MID1: variants seen among roughly 807,000 people sequenced by gnomAD.
MID1 encodes midline 1, also known as E3 ubiquitin-protein ligase Midline-1.
In MID1, 7 loss-of-function variants were observed where a neutral mutation model predicts 40.4. The observed-to-expected ratio is 0.17, with a 90% confidence interval of 0.10 to 0.33. The LOEUF (loss-of-function observed/expected upper bound fraction) is 0.33. MID1 is among the 10% of genes least tolerant of loss of function. The pLI is 1.00. For synonymous variants in MID1, 229 were observed against 221.2 expected (o/e 1.04, Z -0.31); for missense variants, 367 against 558.5 (o/e 0.66, Z 3.46).
At chrX:10,618,940 T>C in intron 1 of MID1, among the ~76,000 whole-genome samples, 1 of 112,160 alleles carries the variant, frequency 8.9e-6, no homozygotes, top group Non-Finnish European at 1.9e-5. Flanking sequence ...CTTTTCCTCA[T>C]CCCACTTTAG....
intron 1 of MID1, among the ~76,000 whole-genome samples, chrX:10,736,135 C>A (rs1221864503): frequency 8.9e-6 from 1 of 111,785 alleles, no homozygotes; most frequent in East Asian, 2.8e-4. Flanking sequence ...CCTGCCACCA[C>A]GCCCGGCTAA....
At chrX:10,543,355 T>C (rs1933548631) in intron 2 of MID1, among the ~76,000 whole-genome samples, 1 of 112,058 alleles carries the variant, frequency 8.9e-6, no homozygotes, top group South Asian at 3.8e-4. Context: ...GTAGAAATAA[T>C]AGTAGGAGTC....
At chrX:10,686,916 C>G (rs1417404620) in intron 1 of MID1, among the ~76,000 whole-genome samples, 5 of 111,701 alleles carry the variant, frequency 4.5e-5, no homozygotes, top group Admixed American at 9.5e-5. Flanking sequence ...TGAAGTGACT[C>G]TCTATAATTG....
chrX:10,526,313 C>G (rs1932829592), intron 2 of MID1, among the ~76,000 whole-genome samples: 1 of 109,442 alleles, frequency 9.1e-6, no homozygotes, highest in Non-Finnish European at 1.9e-5. Flanking sequence ...ACAACAACAA[C>G]AAAAGCCAAA....
chrX:10,673,209 G>A, intron 1 of MID1, among the ~76,000 whole-genome samples: 1 of 111,678 alleles, frequency 9.0e-6, no homozygotes, highest in Non-Finnish European at 1.9e-5. Flanking sequence ...TCAGATGGGG[G>A]TAAGGGATGC....
At chrX:10,695,249 C>T (rs1370464976) in intron 1 of MID1, among the ~76,000 whole-genome samples, 1 of 111,478 alleles carries the variant, frequency 9.0e-6, no homozygotes, top group Non-Finnish European at 1.9e-5. Flanking sequence ...CTCAGCCTCC[C>T]GAGTAGCTGG....
At chrX:10,498,247 G>T (rs1931362868) in intron 3 of MID1, among the ~76,000 whole-genome samples, 1 of 111,847 alleles carries the variant, frequency 8.9e-6, no homozygotes, top group Non-Finnish European at 1.9e-5. Context: ...GGGACTACAG[G>T]CATATGCCAT....
At chrX:10,585,616 G>A (rs1258341241) in intron 1 of MID1, among the ~76,000 whole-genome samples, 1 of 110,785 alleles carries the variant, frequency 9.0e-6, no homozygotes, top group African/African-American at 3.3e-5. Flanking sequence ...AGGGTTACAC[G>A]TTCCTCTTTT....
intron 2 of MID1, among the ~76,000 whole-genome samples, chrX:10,547,522 A>G (rs1933730490): frequency 1.1e-5 from 1 of 94,577 alleles, no homozygotes; most frequent in South Asian, 7.2e-4. Flanking sequence ...CGGTGAGCCG[A>G]GATCACATCA....
intron 1 of MID1, among the ~76,000 whole-genome samples, chrX:10,781,923 C>T (rs1279774770): frequency 8.9e-6 from 1 of 112,119 alleles, no homozygotes; most frequent in Non-Finnish European, 1.9e-5. Flanking sequence ...AATCATTTAT[C>T]TTTGCCATTT....
chrX:10,448,686 C>G lies in MID1; in HGVS notation c.*682G>C, dbSNP rs762805426. 7.9e-4 allele frequency: 89 copies of G among 111,998 alleles called. No homozygotes were observed. Among genetic ancestry groups the G allele is most frequent in the African/African-American group, 2.7e-3 (83 of 30,838 alleles). The allele number at this position is 111,998 out of a possible 1,213,427, so 9.2% of individuals were successfully genotyped here. A position where few individuals can be genotyped will look rare whatever the true frequency, so the allele number is the denominator to read the frequency against. ...TGAGAGAAGCAGGGCAAAATGTGGC[C>G]AAAGGATTCAGAACCTTTCTTTCCA... On this transcript the variant is annotated 3_prime_UTR_variant, in exon 10 of 10. Coordinates refer to ENST00000317552, the MANE Select transcript of MID1 (RefSeq NM_000381.4).
chrX:10,695,436 C>T (rs2043156933), intron 1 of MID1, among the ~76,000 whole-genome samples: 1 of 111,865 alleles, frequency 8.9e-6, no homozygotes, highest in Non-Finnish European at 1.9e-5. Flanking sequence ...CTAAGATTGG[C>T]CTTTTGAGGT....
intron 2 of MID1, among the ~76,000 whole-genome samples, chrX:10,552,180 A>T (rs1326678240): frequency 9.0e-6 from 1 of 110,899 alleles, no homozygotes; most frequent in Non-Finnish European, 1.9e-5. Flanking sequence ...TAAAAAAAAA[A>T]AAAATAGGGA....
chrX:10,544,290 A>C (rs1255009661), intron 2 of MID1, among the ~76,000 whole-genome samples: 2 of 110,882 alleles, frequency 1.8e-5, no homozygotes, highest in Admixed American at 9.6e-5. Flanking sequence ...CCAAAGACTT[A>C]GTGCATCAAA....
chrX:10,778,307 T>G (rs777119554), intron 1 of MID1, among the ~76,000 whole-genome samples: 1 of 110,720 alleles, frequency 9.0e-6, no homozygotes, highest in Non-Finnish European at 1.9e-5. Context: ...TATAATCTTA[T>G]GGGACCACCA....
chrX:10,787,154 A>T (rs2147137020), intron 1 of MID1, among the ~76,000 whole-genome samples: 1 of 111,049 alleles, frequency 9.0e-6, no homozygotes, highest in East Asian at 2.9e-4. Context: ...TTATCTCAAT[A>T]ACCTACCATT....
At chrX:10,554,737 C>T (rs755132598) in intron 2 of MID1, among the ~76,000 whole-genome samples, 15 of 110,973 alleles carry the variant, frequency 1.4e-4, no homozygotes, top group African/African-American at 2.0e-4. Flanking sequence ...GAAGTGCATA[C>T]GGCTTCCCCA....
At chrX:10,516,560 T>TTGTGTGTGTGTGTGTGTGTG (rs57101806) in intron 3 of MID1, among the ~76,000 whole-genome samples, 1 of 73,365 alleles carries the variant, frequency 1.4e-5, no homozygotes. Flanking sequence ...TACTCTGCTC[T>TTGTGTGTGTGTGTGTGTGTG]TGTGTGTGTG....
chrX:10,453,427 A>AT (rs1928466584), intron 9 of MID1, among the ~76,000 whole-genome samples: 1 of 112,064 alleles, frequency 8.9e-6, no homozygotes, highest in Admixed American at 9.5e-5. Flanking sequence ...TTGAATGTTG[A>AT]TTTTATTTTT....
Sources: gnomAD v4.1 joint callset for allele counts (sites outside exome capture counted in the v4.1 genomes callset) on GRCh38, gnomAD v4.1.1 for gene constraint, MANE v1.5 for transcripts, NCBI Gene and HGNC (gene_info 2026-07-23, HGNC 2026-07-21) for gene names.